The following DPYSL2 variants were observed in gnomAD, a reference collection of about 807,000 sequenced individuals.
DPYSL2 encodes the protein dihydropyrimidinase-related protein 2.
Under a neutral mutation model 69.9 loss-of-function variants are expected in DPYSL2, and 13 were observed. The observed-to-expected ratio is 0.19, with a 90% CI of 0.12 to 0.30. The LOEUF is 0.30. Ranked by LOEUF, DPYSL2 falls within the 10% of genes least tolerant of loss-of-function variation. DPYSL2 has a pLI of 1.00. For synonymous variants in DPYSL2, 326 were observed against 359.1 expected (o/e 0.91, Z 1.04); for missense variants, 587 against 918.9 (o/e 0.64, Z 4.67).
At chr8:26,577,741 C>A in intron 1 of DPYSL2, 5 of 937,338 alleles carry the variant, frequency 5.3e-6, no homozygotes, top group Non-Finnish European at 6.4e-6. Flanking sequence ...AGCGCGGGCG[C>A]TCGCGCCGCC....
chr8:26,618,033 A>G (rs1395706856), intron 3 of DPYSL2, among the ~76,000 whole-genome samples: 1 of 152,204 alleles, frequency 6.6e-6, no homozygotes, highest in Non-Finnish European at 1.5e-5. Context: ...GTTAAAAAAA[A>G]CAGTAGGGTC....
chr8:26,653,445 TG>T lies in DPYSL2; in HGVS notation c.1942+50del. 1 of 1,561,686 alleles carries T rather than the reference TG, an allele frequency of 6.4e-7. No individual in the cohort carries two copies. The highest frequency in any genetic ancestry group is 1.4e-5 in the African/African-American group (1 of 73,536). ...GCACAGTTCTGCAGGGCCAGCTCGC[TG>T]GTGCTGGCGAGGCTACAGTTGCATT... On this transcript the variant is annotated intron_variant, in intron 13 of 13. Transcript: ENST00000521913. The surrounding 1 kb of genome is among the most constrained non-coding windows in gnomAD (Gnocchi z 5.7).
chr8:26,650,180 G>A lies in DPYSL2; in HGVS notation c.1597-2077G>A, dbSNP rs1197969500. 6.6e-6 allele frequency among the ~76,000 whole-genome samples: 1 copy of A among 152,186 alleles called. No individual in the cohort carries two copies. Among genetic ancestry groups the A allele is most frequent in the Non-Finnish European group, 1.5e-5 (1 of 68,034 alleles). On this transcript the variant is annotated intron_variant, in intron 11 of 13. Coordinates refer to ENST00000521913, the MANE Select transcript of DPYSL2 (RefSeq NM_001197293.3). The surrounding 1 kb of genome is among the most constrained non-coding windows in gnomAD (Gnocchi z 5.3). The stretch of plus-strand genomic sequence containing the variant: ...TGATTCTCACATGAGTCCTGCAAAG[G>A]GGGACCTACTTACCCCTCACAGATG...
intron 13 of DPYSL2, among the ~76,000 whole-genome samples, chr8:26,655,071 C>T (rs1200410704): frequency 1.3e-5 from 2 of 151,158 alleles, no homozygotes; most frequent in Non-Finnish European, 2.9e-5. Context: ...TGTTCTCAAA[C>T]TCCTGGACTC....
rs1312413428 is a variant in DPYSL2, at chr8:26,565,284, T to G, written c.355-16685T>G. 6.6e-6 allele frequency among the ~76,000 whole-genome samples: 1 copy of G among 152,200 alleles called. No individual in the cohort carries two copies. Among genetic ancestry groups the G allele is most frequent in the Admixed American group, 6.5e-5 (1 of 15,272 alleles). ...TTTTTGATATCATGACTTCTTTTTG[T>G]CCCAATCTTTAATGCAGTATGAGTG... On this transcript the variant is annotated intron_variant, in intron 1 of 13. Coordinates refer to ENST00000521913, the MANE Select transcript of DPYSL2 (RefSeq NM_001197293.3). This position sits in a 1 kb window ranked among gnomAD's most constrained non-coding sequence, Gnocchi z 4.1.
intron 1 of DPYSL2, among the ~76,000 whole-genome samples, chr8:26,579,089 C>G (rs1232401153): frequency 6.6e-6 from 1 of 152,240 alleles, no homozygotes; most frequent in African/African-American, 2.4e-5. Flanking sequence ...AAGCGGACTG[C>G]AGGGTGGGCG....
chr8:26,599,341 AG>A (rs1278807029), intron 3 of DPYSL2, among the ~76,000 whole-genome samples: 1 of 152,284 alleles, frequency 6.6e-6, no homozygotes, highest in African/African-American at 2.4e-5. Flanking sequence ...ACTGACTTGT[AG>A]GATTTCTGTC....
At chr8:26,539,278 T>C (rs1013039107) in intron 1 of DPYSL2, among the ~76,000 whole-genome samples, 2 of 152,172 alleles carry the variant, frequency 1.3e-5, no homozygotes, top group Non-Finnish European at 2.9e-5. Flanking sequence ...CATGGTTCCC[T>C]CTCCCCCTGC....
chr8:26,629,409 T>C (rs17322408), intron 7 of DPYSL2, among the ~76,000 whole-genome samples: 20,549 of 152,180 alleles, frequency 0.14, 1,616 homozygotes, highest in Non-Finnish European at 0.18. Flanking sequence ...CAGAACTGCA[T>C]GCTCCAAGAC....
Position 26,587,946 on chromosome 8 carries a change from G to T in DPYSL2, c.628+3963G>T, listed in dbSNP as rs980614387. ...CTTGCCAACACTTACCCTGTGCGTC[G>T]GTGCAGGTGGCCAGGTGTGGAACAT... On this transcript the variant is annotated intron_variant, in intron 3 of 13. Coordinates refer to ENST00000521913, the MANE Select transcript of DPYSL2 (RefSeq NM_001197293.3). The surrounding 1 kb of genome is among the most constrained non-coding windows in gnomAD (Gnocchi z 4.2). 1.3e-5 allele frequency among the ~76,000 whole-genome samples: 2 copies of T among 152,132 alleles called. No homozygotes were observed. Among genetic ancestry groups the T allele is most frequent in the Admixed American group, 6.5e-5 (1 of 15,280 alleles).
intron 4 of DPYSL2, among the ~76,000 whole-genome samples, chr8:26,625,468 C>G (rs1802593091): frequency 6.6e-6 from 1 of 152,164 alleles, no homozygotes; most frequent in African/African-American, 2.4e-5. Context: ...GCATTTAACT[C>G]AGGCAGCTCC....
intron 3 of DPYSL2, among the ~76,000 whole-genome samples, chr8:26,596,705 G>A (rs1801869534): frequency 6.6e-6 from 1 of 152,362 alleles, no homozygotes; most frequent in Admixed American, 6.5e-5. Context: ...GAAGTAATGA[G>A]CAGTCCAGAG....
rs1308919764 is a variant in DPYSL2, at chr8:26,585,943, C to T, written c.628+1960C>T. Among the ~76,000 whole-genome samples the T allele has an allele frequency of 6.6e-6, 1 of 152,068 alleles. No individual in the cohort carries two copies. On this transcript the variant is annotated intron_variant, in intron 3 of 13. Coordinates refer to ENST00000521913, the MANE Select transcript of DPYSL2 (RefSeq NM_001197293.3). This position sits in a 1 kb window ranked among gnomAD's most constrained non-coding sequence, Gnocchi z 4.0. ...CCTGGCCAATATGGCGAATCTACTA[C>T]AAATACAAAAATTAGCTAGGCATGG...
intron 1 of DPYSL2, among the ~76,000 whole-genome samples, chr8:26,521,378 C>A (rs1266237387): frequency 2.6e-5 from 4 of 152,184 alleles, no homozygotes; most frequent in Non-Finnish European, 5.9e-5. Context: ...AGTCATCTAA[C>A]CTCAGTGGTC....
chr8:26,649,294 G>A (rs1044977622), intron 11 of DPYSL2, among the ~76,000 whole-genome samples: 20 of 152,336 alleles, frequency 1.3e-4, no homozygotes, highest in Non-Finnish European at 2.4e-4. Context: ...AGGCTTAGAC[G>A]GGGAAAATGC....
chr8:26,527,179 A>G (rs922985480), intron 1 of DPYSL2, among the ~76,000 whole-genome samples: 1 of 152,132 alleles, frequency 6.6e-6, no homozygotes, highest in African/African-American at 2.4e-5. Context: ...TTTCTGTTCA[A>G]CAGGAGAATG....
intron 1 of DPYSL2, among the ~76,000 whole-genome samples, chr8:26,529,284 T>TATCTATCTATCTATCTATCTATC (rs1800454078): frequency 1.3e-5 from 1 of 77,292 alleles, no homozygotes; most frequent in African/African-American, 3.9e-5. Context: ...ATCATCTATC[T>TATCTATCTATCTATCTATCTATC]ATCTATCTAT....
intron 1 of DPYSL2, among the ~76,000 whole-genome samples, chr8:26,569,393 A>G (rs919721606): frequency 1.3e-5 from 2 of 151,628 alleles, no homozygotes; most frequent in Non-Finnish European, 2.9e-5. Flanking sequence ...AAAACCAAAG[A>G]AAAACCCAAA....
intron 3 of DPYSL2, among the ~76,000 whole-genome samples, chr8:26,595,574 G>T (rs750826609): frequency 1.9e-4 from 29 of 152,298 alleles, no homozygotes; most frequent in Non-Finnish European, 2.9e-5. Flanking sequence ...TGCATTCCTC[G>T]CTGAACCAGA....
Sources: gnomAD v4.1 joint callset for allele counts (sites outside exome capture counted in the v4.1 genomes callset) on GRCh38, gnomAD v4.1.1 for gene constraint, Gnocchi (gnomAD v3.1) non-coding constraint, MANE v1.5 for transcripts, NCBI Gene and HGNC (gene_info 2026-07-23, HGNC 2026-07-21) for gene names.